Variants in CNTNAP2 observed in about 807,000 individuals in gnomAD.
CNTNAP2 encodes the protein contactin-associated protein-like 2.
Under a neutral mutation model 155.2 loss-of-function variants are expected in CNTNAP2, and 98 were observed. That is an observed-to-expected ratio of 0.63 (90% confidence interval 0.54 to 0.75). The LOEUF is 0.75. Ranked by LOEUF, CNTNAP2 falls within the 30% of genes least tolerant of loss-of-function variation. The probability of loss-of-function intolerance (pLI) is 0.00; values close to 1 mark genes in which losing one functional copy is unlikely to be tolerated. For synonymous variants in CNTNAP2, 651 were observed against 631.2 expected (o/e 1.03, Z -0.47); for missense variants, 1,727 against 1,688.1 (o/e 1.02, Z -0.40).
chr7:148,170,370 A>C (rs1268099956), intron 17 of CNTNAP2, among the ~76,000 whole-genome samples: 1 of 152,256 alleles, frequency 6.6e-6, no homozygotes, highest in Non-Finnish European at 1.5e-5. Context: ...CTAAAATAAT[A>C]GAAGCCAAAT....
At chr7:146,715,978 C>T (rs1801180054) in intron 1 of CNTNAP2, among the ~76,000 whole-genome samples, 2 of 150,760 alleles carry the variant, frequency 1.3e-5, no homozygotes. Flanking sequence ...GCAGACTTAC[C>T]TATCCCAACT....
intron 1 of CNTNAP2, among the ~76,000 whole-genome samples, chr7:146,693,008 G>A (rs892050254): frequency 6.6e-6 from 1 of 152,058 alleles, no homozygotes; most frequent in Non-Finnish European, 1.5e-5. Flanking sequence ...CACTGGACTT[G>A]AGATGAAGGA....
chr7:146,655,430 A>G (rs1477085156), intron 1 of CNTNAP2, among the ~76,000 whole-genome samples: 1 of 151,250 alleles, frequency 6.6e-6, no homozygotes, highest in Non-Finnish European at 1.5e-5. Flanking sequence ...AAAAAAAAAA[A>G]AAAAGAAAGA....
intron 3 of CNTNAP2, among the ~76,000 whole-genome samples, chr7:146,914,222 T>A (rs901384062): frequency 6.6e-6 from 1 of 152,146 alleles, no homozygotes; most frequent in Non-Finnish European, 1.5e-5. Flanking sequence ...TTGGGCTGGT[T>A]CCATTTTTAA....
intron 13 of CNTNAP2, among the ~76,000 whole-genome samples, chr7:147,749,316 A>G (rs1346841110): frequency 6.6e-6 from 1 of 152,200 alleles, no homozygotes. Flanking sequence ...TGGCTAAATA[A>G]CAGCTCATCT....
chr7:146,425,153 A>C (rs1331601091), intron 1 of CNTNAP2, among the ~76,000 whole-genome samples: 1 of 152,166 alleles, frequency 6.6e-6, no homozygotes, highest in Non-Finnish European at 1.5e-5. Context: ...TTTCTCCAAA[A>C]TGATGTTTTT....
intron 8 of CNTNAP2, among the ~76,000 whole-genome samples, chr7:147,278,683 T>C (rs1260222407): frequency 6.6e-6 from 1 of 151,476 alleles, no homozygotes; most frequent in Non-Finnish European, 1.5e-5. Context: ...TAAGGAAAAA[T>C]AAAGCATAAT....
rs1795704665 is a variant in CNTNAP2 at position 146,400,904 on chromosome 7, T to A, written c.97+283931T>A. On this transcript the variant is annotated intron_variant, in intron 1 of 23. Coordinates refer to ENST00000361727, the MANE Select transcript of CNTNAP2 (RefSeq NM_014141.6). ...AAGGAAATTCTCCCTTTACAGAAGA[T>A]GACGTGCAGATTATTAAAAACTGAG... is the stretch of plus-strand genomic sequence containing the variant. 1.3e-5 allele frequency among the ~76,000 whole-genome samples: 2 copies of A among 152,346 alleles called. 1 individual carries two copies. Among genetic ancestry groups the A allele is most frequent in the African/African-American group, 4.8e-5 (2 of 41,582 alleles).
rs540774660 is a variant in CNTNAP2, at chr7:147,694,384, C to T, written c.2098+55078C>T. ...TATGAGTTAGGACATATTCTCTCTG[C>T]TTCTACCTTCTAGATAAGATTCTAG... On this transcript the variant is annotated intron_variant, in intron 13 of 23. Coordinates refer to ENST00000361727, the MANE Select transcript of CNTNAP2 (RefSeq NM_014141.6). Among the ~76,000 whole-genome samples, 5 of 152,154 alleles carry T rather than the reference C, an allele frequency of 3.3e-5. No individual in the cohort carries two copies. The South Asian group carries it at 1.0e-3, about 32-fold the overall frequency.
chr7:147,049,785 C>G (rs1312260532), intron 4 of CNTNAP2, among the ~76,000 whole-genome samples: 3 of 152,164 alleles, frequency 2.0e-5, no homozygotes, highest in Non-Finnish European at 4.4e-5. Flanking sequence ...AGAGAGAAAT[C>G]ACAATGTGAG....
At chr7:146,491,869 T>C (rs1345763334) in intron 1 of CNTNAP2, among the ~76,000 whole-genome samples, 1 of 152,186 alleles carries the variant, frequency 6.6e-6, no homozygotes, top group East Asian at 1.9e-4. Flanking sequence ...TTCTATTATG[T>C]GTCTGCTTGT....
intron 13 of CNTNAP2, among the ~76,000 whole-genome samples, chr7:147,685,440 C>A (rs879605359): frequency 3.1e-4 from 47 of 152,060 alleles, no homozygotes; most frequent in Middle Eastern, 6.8e-3. Context: ...AGAAGTTATT[C>A]TTCTGTTACT....
intron 8 of CNTNAP2, among the ~76,000 whole-genome samples, chr7:147,255,393 T>A (rs1584823035): frequency 6.6e-6 from 1 of 152,102 alleles, no homozygotes; most frequent in East Asian, 1.9e-4. Context: ...GACTAATTTC[T>A]GTATTTTTGG....
At chr7:148,349,393 CAAA>C (rs141308404) in intron 21 of CNTNAP2, among the ~76,000 whole-genome samples, 2 of 143,364 alleles carry the variant, frequency 1.4e-5, no homozygotes, top group African/African-American at 2.6e-5. Context: ...TTAAAAATTG[CAAA>C]AAAAATCTCT....
intron 13 of CNTNAP2, among the ~76,000 whole-genome samples, chr7:147,891,547 T>C (rs1799695024): frequency 6.6e-6 from 1 of 152,058 alleles, no homozygotes; most frequent in African/African-American, 2.4e-5. Flanking sequence ...AATAAACTTC[T>C]GGCTAGACTG....
At chr7:146,522,580 C>T (rs1797630724) in intron 1 of CNTNAP2, among the ~76,000 whole-genome samples, 1 of 151,798 alleles carries the variant, frequency 6.6e-6, no homozygotes, top group East Asian at 1.9e-4. Flanking sequence ...TATAGAAATA[C>T]TGAGGTAAAG....
intron 8 of CNTNAP2, among the ~76,000 whole-genome samples, chr7:147,241,447 G>A (rs967599640): frequency 1.3e-5 from 2 of 151,934 alleles, no homozygotes; most frequent in African/African-American, 2.4e-5. Context: ...GGCCAAGATG[G>A]TGAAACCTCA....
chr7:146,816,720 A>G (rs1803178049), intron 2 of CNTNAP2, among the ~76,000 whole-genome samples: 1 of 152,206 alleles, frequency 6.6e-6, no homozygotes, highest in Non-Finnish European at 1.5e-5. Flanking sequence ...GTAGTTGCTA[A>G]CTGGCAGGCA....
At chr7:146,810,156 G>A (rs1443495724) in intron 2 of CNTNAP2, among the ~76,000 whole-genome samples, 1 of 152,132 alleles carries the variant, frequency 6.6e-6, no homozygotes, top group Non-Finnish European at 1.5e-5. Flanking sequence ...TAGTTGATCA[G>A]AAATGCATGG....
Sources: gnomAD v4.1 joint callset for allele counts (sites outside exome capture counted in the v4.1 genomes callset) on GRCh38, gnomAD v4.1.1 for gene constraint, MANE v1.5 for transcripts, NCBI Gene and HGNC (gene_info 2026-07-23, HGNC 2026-07-21) for gene names.